The following RPGRIP1L variants were observed in gnomAD, a reference collection of about 807,000 sequenced individuals.
RPGRIP1L encodes protein fantom.
Under a neutral mutation model 160.4 loss-of-function variants are expected in RPGRIP1L, and 131 were observed. That is an observed-to-expected ratio of 0.82 (90% CI 0.71 to 0.94). The LOEUF (loss-of-function observed/expected upper bound fraction) is 0.94, where lower values mean the gene tolerates loss of function less well. Among genes scored for constraint, RPGRIP1L ranks in the 40% least tolerant of loss-of-function variants. RPGRIP1L has a pLI of 0.00. For missense variants in RPGRIP1L, 1,522 were observed against 1,535.8 expected (o/e 0.99, Z 0.15); for synonymous variants, 510 against 515.8 (o/e 0.99, Z 0.15).
At position 53,693,265 on chromosome 16, in the gene RPGRIP1L, T is replaced by C. The variant is rs1221609467; in HGVS notation, c.231-901A>G. On this transcript the variant is annotated intron_variant, in intron 3 of 26. Transcript: ENST00000647211. Reference sequence around the variant, plus strand: ...CTGATTCTAGTTTATAGTGAATCTATTTTTATAAAGACCCAGACAGGAGAT... The same window carrying C: ...CTGATTCTAGTTTATAGTGAATCTACTTTTATAAAGACCCAGACAGGAGAT... The C allele has an allele frequency of 2.6e-5, 4 of 152,238 alleles. No individual in the cohort carries two copies. In the East Asian group the frequency reaches 5.8e-4, roughly 22 times the overall value. 9.4% of individuals were successfully genotyped at this position (152,238 alleles called of 1,614,324 possible). A position where few individuals can be genotyped will look rare whatever the true frequency, so the allele number is the denominator to read the frequency against.
At chr16:53,688,570 T>C (rs558742585) in intron 4 of RPGRIP1L, among the ~76,000 whole-genome samples, 1 of 152,160 alleles carries the variant, frequency 6.6e-6, no homozygotes, top group South Asian at 2.1e-4. Flanking sequence ...GACAGTCCCA[T>C]TGTTTAAAAT....
chr16:53,637,827 C>A lies in RPGRIP1L; in HGVS notation c.3088G>T (p.Val1030Leu), dbSNP rs1965938176. The stretch of plus-strand genomic sequence containing the variant: ...TGCATTTTCTCAGTATTCTCTTTTA[C>A]CTCATCTACACTGCCTTCTTGTGAA... ...KVSQEGSVDE[V>L]KENTEKMQQG... The change falls in exon 21 of 27, where the codon GTA becomes TTA. Residue 1030 changes from valine (V) to leucine (L), a missense_variant. Coordinates refer to ENST00000647211, the MANE Select transcript of RPGRIP1L (RefSeq NM_015272.5). 2 of 1,612,930 alleles carry A rather than the reference C, an allele frequency of 1.2e-6. No homozygotes were observed. Among genetic ancestry groups the A allele is most frequent in the African/African-American group, 2.7e-5 (2 of 74,820 alleles).
rs1967257117 is a variant in RPGRIP1L, at chr16:53,656,385, T to A, written c.1699+87A>T. ...AGGCGTAAACACAGCAAAAATACAC[T>A]GTAAGTGCAGATTTGGATGACATTA... On this transcript the variant is annotated intron_variant, in intron 14 of 26. Coordinates refer to ENST00000647211, the MANE Select transcript of RPGRIP1L (RefSeq NM_015272.5). 5.5e-6 allele frequency: 5 copies of A among 912,648 alleles called. No individual in the cohort carries two copies. In the South Asian group the frequency reaches 6.5e-5, roughly 12 times the overall value. The allele number at this position is 912,648 out of a possible 1,614,324, so 56.5% of individuals were successfully genotyped here. A position where few individuals can be genotyped will look rare whatever the true frequency, so the allele number is the denominator to read the frequency against.
At chr16:53,651,964 A>T (rs953473157) in intron 15 of RPGRIP1L, among the ~76,000 whole-genome samples, 23 of 152,026 alleles carry the variant, frequency 1.5e-4, no homozygotes, top group Non-Finnish European at 2.9e-4. Flanking sequence ...TACATAAATT[A>T]ATTTATTTAT....
At chr16:53,639,812 C>T (rs1336956034) in intron 19 of RPGRIP1L, among the ~76,000 whole-genome samples, 1 of 152,114 alleles carries the variant, frequency 6.6e-6, no homozygotes, top group Non-Finnish European at 1.5e-5. Flanking sequence ...AGTGATAAAA[C>T]ATCTACTGAA....
In RPGRIP1L at chr16:53,628,724, T is replaced by C. The variant is rs578226176; in HGVS notation, c.3295-6368A>G. On this transcript the variant is annotated intron_variant, in intron 22 of 26. Coordinates refer to ENST00000647211, the MANE Select transcript of RPGRIP1L (RefSeq NM_015272.5). ...TTTCGTCCGTGGCAGTAATCTATCT[T>C]TTCTAACATGTTCTGTTAAAATGTA... 6.6e-5 allele frequency: 10 copies of C among 152,302 alleles called. No homozygotes were observed. In the East Asian group the frequency reaches 1.7e-3, roughly 26 times the overall value. The allele number at this position is 152,302 out of a possible 1,614,324, so 9.4% of individuals were successfully genotyped here.
chr16:53,629,422 C>G (rs1228362251), intron 22 of RPGRIP1L, among the ~76,000 whole-genome samples: 1 of 152,184 alleles, frequency 6.6e-6, no homozygotes, highest in Non-Finnish European at 1.5e-5. Context: ...ATTTGCATCT[C>G]TTACAAATTC....
At chr16:53,671,393 T>C (rs1488613188) in intron 9 of RPGRIP1L, 117 bp downstream of exon 9, 2 of 699,124 alleles carry the variant, frequency 2.9e-6, no homozygotes, top group Admixed American at 4.7e-5. Context: ...TGCATATTTC[T>C]TGCTATCATT....
intron 10 of RPGRIP1L, among the ~76,000 whole-genome samples, chr16:53,663,576 T>C (rs996329430): frequency 2.6e-5 from 4 of 152,196 alleles, no homozygotes; most frequent in South Asian, 2.1e-4. Flanking sequence ...GGCAAAGCAC[T>C]CTGTTAGGTA....
chr16:53,609,456 G>A (rs1474135773), intron 25 of RPGRIP1L, among the ~76,000 whole-genome samples: 1 of 151,986 alleles, frequency 6.6e-6, no homozygotes, highest in Admixed American at 6.6e-5. Flanking sequence ...GGAAAGGCAG[G>A]TCTAACACAA....
chr16:53,608,026 C>G (rs1265949054), intron 25 of RPGRIP1L: 9 of 963,464 alleles, frequency 9.3e-6, no homozygotes, highest in African/African-American at 1.8e-5. Context: ...ATGTCAAGCA[C>G]TCAGGTGGAA....
chr16:53,676,928 C>T (rs945638891), intron 6 of RPGRIP1L, among the ~76,000 whole-genome samples: 1 of 151,964 alleles, frequency 6.6e-6, no homozygotes, highest in Non-Finnish European at 1.5e-5. Context: ...CCACTGTACC[C>T]GGCCGCAGTA....
chr16:53,651,651 C>G (rs1966854662), intron 15 of RPGRIP1L, among the ~76,000 whole-genome samples: 1 of 152,114 alleles, frequency 6.6e-6, no homozygotes, highest in African/African-American at 2.4e-5. Context: ...GATCTTCATT[C>G]TTTACCCCCT....
intron 26 of RPGRIP1L, among the ~76,000 whole-genome samples, chr16:53,604,559 A>G (rs543599954): frequency 6.1e-4 from 93 of 152,368 alleles, no homozygotes; most frequent in Middle Eastern, 3.4e-3. Flanking sequence ...AAGAATAGAG[A>G]GTAGAAATTA....
chr16:53,689,154 A>C (rs924989468), intron 4 of RPGRIP1L, among the ~76,000 whole-genome samples: 2 of 151,538 alleles, frequency 1.3e-5, no homozygotes, highest in African/African-American at 4.8e-5. Context: ...ACTGGGGTAC[A>C]TGTGGTATTT....
intron 14 of RPGRIP1L, among the ~76,000 whole-genome samples, chr16:53,653,672 T>C (rs1434751716): frequency 6.6e-6 from 1 of 152,240 alleles, no homozygotes; most frequent in African/African-American, 2.4e-5. Flanking sequence ...TGTCATCATC[T>C]TCTCTGCTTC....
intron 21 of RPGRIP1L, 110 bp from the exon 22 acceptor site, chr16:53,636,622 G>A (rs1965852163): frequency 2.8e-6 from 2 of 711,166 alleles, no homozygotes; most frequent in South Asian, 1.8e-5. Context: ...TAAGAAACAT[G>A]GTAATTATAC....
At chr16:53,603,819 T>C (rs934277843) in intron 26 of RPGRIP1L, among the ~76,000 whole-genome samples, 3 of 152,086 alleles carry the variant, frequency 2.0e-5, no homozygotes, top group Non-Finnish European at 4.4e-5. Flanking sequence ...CCCCAGCTCA[T>C]TCCCTGGAGC....
chr16:53,694,698 AATGGGGTTTCATC>A (rs1365493685), intron 3 of RPGRIP1L: 1 of 151,914 alleles, frequency 6.6e-6, no homozygotes, highest in Non-Finnish European at 1.5e-5. Flanking sequence ...TTTTAGTAGA[AATGGGGTTTCATC>A]ATGTTAGCCA....
Sources: allele counts gnomAD v4.1 joint callset (sites outside exome capture counted in the v4.1 genomes callset), GRCh38; gene constraint gnomAD v4.1.1; transcripts MANE v1.5; gene names NCBI Gene and HGNC (gene_info 2026-07-23, HGNC 2026-07-21).